EDAR: variants seen among roughly 807,000 people sequenced by gnomAD.
The protein encoded by EDAR is tumor necrosis factor receptor superfamily member EDAR.
In EDAR, 38 loss-of-function variants were observed where a neutral mutation model predicts 51.3. That is an observed-to-expected ratio of 0.74 (90% CI 0.57 to 0.97). EDAR has a LOEUF of 0.97. Among genes scored for constraint, EDAR ranks in the 50% least tolerant of loss-of-function variants. The pLI is 0.00. For missense variants in EDAR, 528 were observed against 595.0 expected (o/e 0.89, Z 1.17); for synonymous variants, 227 against 242.1 (o/e 0.94, Z 0.58).
At chr2:108,929,490 T>C (rs1224692424) in intron 3 of EDAR, 111 bp from the exon 4 acceptor site, 4 of 1,164,952 alleles carry the variant, frequency 3.4e-6, no homozygotes, top group East Asian at 2.4e-5. Flanking sequence ...GAAGCTACTC[T>C]TGCCGGGCCT....
intron 11 of EDAR, among the ~76,000 whole-genome samples, chr2:108,903,047 A>G (rs1394002443): frequency 6.6e-6 from 1 of 152,218 alleles, no homozygotes; most frequent in Non-Finnish European, 1.5e-5. Flanking sequence ...GAATTCAGCA[A>G]GGTCACAGGA....
At chr2:108,959,439 C>A (rs1445192445) in intron 1 of EDAR, among the ~76,000 whole-genome samples, 2 of 152,236 alleles carry the variant, frequency 1.3e-5, no homozygotes, top group African/African-American at 4.8e-5. Flanking sequence ...CTGATCCAAC[C>A]CAGTTCAGGT....
rs965299335 is a variant in EDAR at position 108,930,877 on chromosome 2, C to A, written c.51+87G>T. 7 of 1,429,896 alleles carry A rather than the reference C, an allele frequency of 4.9e-6. No homozygotes were observed. In the African/African-American group the frequency reaches 9.8e-5, roughly 20 times the overall value. 88.6% of individuals were successfully genotyped at this position (1,429,896 alleles called of 1,614,324 possible). On this transcript the variant is annotated intron_variant, in intron 2 of 11. Transcript: ENST00000258443. ...TGGAGGAGGGACTATGATCAGCATT[C>A]CCATTTTACAGCTGAAGAGGCCAAG...
rs1034349070 is a variant in EDAR, at chr2:108,964,315, C to T, written c.-19+24645G>A. On this transcript the variant is annotated intron_variant, in intron 1 of 11. Transcript: ENST00000258443. ...CCTGTGCTACAGCCAGAAGCCCCTG[C>T]CAGGTCATCTGGACTCCAGTTCAAG... Among the ~76,000 whole-genome samples, 4 of 152,122 alleles carry T rather than the reference C, an allele frequency of 2.6e-5. 1 individual carries two copies. Among genetic ancestry groups the T allele is most frequent in the Non-Finnish European group, 4.4e-5 (3 of 68,006 alleles).
intron 5 of EDAR, among the ~76,000 whole-genome samples, chr2:108,917,965 A>G (rs982306724): frequency 3.3e-5 from 5 of 151,764 alleles, no homozygotes; most frequent in African/African-American, 1.2e-4. Context: ...ACTCTGCATT[A>G]CCCCTAAATG....
At chr2:108,981,493 G>A (rs903703861) in intron 1 of EDAR, among the ~76,000 whole-genome samples, 8 of 152,172 alleles carry the variant, frequency 5.3e-5, no homozygotes, top group African/African-American at 1.2e-4. Flanking sequence ...TCCATTTTCC[G>A]CTCTAGCTCC....
At position 108,910,465 on chromosome 2, in the gene EDAR, G is replaced by C. The variant is rs761938125; in HGVS notation, c.798C>G (p.Thr266=). ...TGCTGGGGGCTTCCACATACCTCTTGGTGGGCTTTGCTGGAGTTGCTGTCA... is the reference window on the plus strand; with the variant it reads ...TGCTGGGGGCTTCCACATACCTCTTCGTGGGCTTTGCTGGAGTTGCTGTCA... ...EKLTATPAKP[T]KSENDASSEN... The change falls in exon 9 of 12, where the codon ACC becomes ACG. Residue 266 remains threonine, a synonymous_variant. Transcript: ENST00000258443. The C allele has an allele frequency of 3.8e-5, 62 of 1,613,118 alleles. No individual in the cohort carries two copies. The highest frequency in any genetic ancestry group is 2.5e-6 in the Non-Finnish European group (3 of 1,179,480).
At chr2:108,988,444 C>T (rs1358945779) in intron 1 of EDAR, among the ~76,000 whole-genome samples, 1 of 152,166 alleles carries the variant, frequency 6.6e-6, no homozygotes, top group Non-Finnish European at 1.5e-5. Context: ...TTCTCTCCCT[C>T]TCCCCGCTCC....
At chr2:108,945,223 T>C (rs1697693332) in intron 1 of EDAR, among the ~76,000 whole-genome samples, 1 of 152,138 alleles carries the variant, frequency 6.6e-6, no homozygotes, top group Admixed American at 6.5e-5. Flanking sequence ...CCTGGGGCAC[T>C]GTATATTCCA....
In EDAR at chr2:108,969,239, T is replaced by C. The variant is rs185924099; in HGVS notation, c.-19+19721A>G. On this transcript the variant is annotated intron_variant, in intron 1 of 11. Transcript: ENST00000258443. Reference sequence around the variant, plus strand: ...TTTTTTTTTTTCCTGCTCTTCTCTCTGCCCTCAGCTCCAACCTCCACCCCA... The same window carrying C: ...TTTTTTTTTTTCCTGCTCTTCTCTCCGCCCTCAGCTCCAACCTCCACCCCA... Among the ~76,000 whole-genome samples, 12 of 152,258 alleles carry C rather than the reference T, an allele frequency of 7.9e-5. No individual in the cohort carries two copies. The East Asian group carries it at 2.3e-3, about 29-fold the overall frequency.
intron 1 of EDAR, among the ~76,000 whole-genome samples, chr2:108,977,128 C>A (rs76102605): frequency 6.6e-6 from 1 of 152,156 alleles, no homozygotes; most frequent in Admixed American, 6.5e-5. Flanking sequence ...GTGGCCCCCA[C>A]TGGCCCGGGC....
At chr2:108,904,984 C>T (rs1448241748) in intron 11 of EDAR, among the ~76,000 whole-genome samples, 1 of 152,146 alleles carries the variant, frequency 6.6e-6, no homozygotes, top group Non-Finnish European at 1.5e-5. Context: ...TGTAGGATCT[C>T]TCTGTATTAT....
chr2:108,937,073 A>G (rs1390678602), intron 1 of EDAR, among the ~76,000 whole-genome samples: 3 of 152,260 alleles, frequency 2.0e-5, no homozygotes, highest in African/African-American at 7.2e-5. Flanking sequence ...TGGCAAGACC[A>G]CAGGCACCGT....
At chr2:108,928,869 A>G (rs1697307561) in intron 4 of EDAR, among the ~76,000 whole-genome samples, 1 of 152,184 alleles carries the variant, frequency 6.6e-6, no homozygotes. Context: ...ATGAAATTTT[A>G]GTTTTCTTTT....
chr2:108,907,728 G>A (rs1696838341), intron 10 of EDAR, 132 bp downstream of exon 10: 1 of 1,018,396 alleles, frequency 9.8e-7, no homozygotes, highest in Admixed American at 1.8e-5. Context: ...TCACTGTCCA[G>A]GTCTCCTATC....
At chr2:108,951,856 G>A (rs942250897) in intron 1 of EDAR, among the ~76,000 whole-genome samples, 4 of 152,034 alleles carry the variant, frequency 2.6e-5, no homozygotes, top group Admixed American at 1.3e-4. Context: ...CAATTAATTC[G>A]GCAGACATTA....
At chr2:108,927,824 T>C (rs1047075047) in intron 4 of EDAR, among the ~76,000 whole-genome samples, 1 of 152,138 alleles carries the variant, frequency 6.6e-6, no homozygotes, top group African/African-American at 2.4e-5. Context: ...AGCACCCTCT[T>C]GCTCCTGTCT....
chr2:108,908,258 G>A (rs773185514), intron 9 of EDAR, among the ~76,000 whole-genome samples: 57 of 152,098 alleles, frequency 3.7e-4, no homozygotes, highest in African/African-American at 8.9e-4. Flanking sequence ...ACCTGCAGGC[G>A]TCTAAGGGGC....
intron 1 of EDAR, among the ~76,000 whole-genome samples, chr2:108,933,780 G>C (rs996069181): frequency 6.6e-6 from 1 of 152,080 alleles, no homozygotes; most frequent in Non-Finnish European, 1.5e-5. Context: ...TCGGGGTGGC[G>C]GGGAGGCAAG....
Sources: allele counts gnomAD v4.1 joint callset (sites outside exome capture counted in the v4.1 genomes callset), GRCh38; gene constraint gnomAD v4.1.1; transcripts MANE v1.5; gene names NCBI Gene and HGNC (gene_info 2026-07-23, HGNC 2026-07-21).